Variants in P4HTM observed in about 807,000 individuals in gnomAD.
P4HTM encodes the protein prolyl 4-hydroxylase, transmembrane.
P4HTM carries 33 observed loss-of-function variants against 55.3 expected under a neutral mutation model. That is an observed-to-expected ratio of 0.60 (90% CI 0.45 to 0.80). P4HTM has a LOEUF of 0.80. Among genes scored for constraint, P4HTM ranks in the 30% least tolerant of loss-of-function variants. The probability of loss-of-function intolerance (pLI) is 0.00; values close to 1 mark genes in which losing one functional copy is unlikely to be tolerated. For synonymous variants in P4HTM, 272 were observed against 286.4 expected (o/e 0.95, Z 0.51); for missense variants, 542 against 696.5 (o/e 0.78, Z 2.50).
At chr3:48,998,112 C>G (rs989684631) in intron 2 of P4HTM, 1 of 152,290 alleles carries the variant, frequency 6.6e-6, no homozygotes, top group Admixed American at 6.5e-5. Flanking sequence ...TTACCTGATC[C>G]CTGTATGATT....
intron 7 of P4HTM, 86 bp downstream of exon 7, chr3:49,005,953 G>C: frequency 6.5e-7 from 1 of 1,539,994 alleles, no homozygotes; most frequent in Non-Finnish European, 8.8e-7. Context: ...TAAGGATGTG[G>C]GCCCAAATTA....
rs976045915 is a variant in P4HTM, at chr3:49,003,829, C to G, written c.725-269C>G. 1.9e-5 allele frequency: 8 copies of G among 416,286 alleles called. No homozygotes were observed. The Admixed American group carries it at 2.5e-4, about 13-fold the overall frequency. 25.8% of individuals were successfully genotyped at this position (416,286 alleles called of 1,614,324 possible). On this transcript the variant is annotated intron_variant, in intron 4 of 8. Coordinates refer to ENST00000383729, the MANE Select transcript of P4HTM (RefSeq NM_177939.3). ...CTTTGGAGAACCTTCTCTGGCCACT[C>G]TAATAGGGGGTGGGCCTCTTTCTTC...
intron 2 of P4HTM, 149 bp downstream of exon 2, chr3:48,991,063 G>T (rs750448448): frequency 1.4e-5 from 9 of 626,818 alleles, no homozygotes; most frequent in African/African-American, 3.7e-5. Flanking sequence ...GACCTTCCCC[G>T]TCCTCGAAAT....
intron 5 of P4HTM, chr3:49,004,543 G>C (rs1343922658): frequency 1.8e-6 from 1 of 551,186 alleles, no homozygotes; most frequent in Non-Finnish European, 3.2e-6. Flanking sequence ...ATCTGACCCC[G>C]TCACAGCAGG....
At chr3:49,004,786 G>T in intron 5 of P4HTM, 75 bp from the exon 6 acceptor site, 1 of 1,488,014 alleles carries the variant, frequency 6.7e-7, no homozygotes, top group Non-Finnish European at 9.1e-7. Context: ...GGCAGGCCTA[G>T]GGTCCACCTT....
rs965111482 is a variant in P4HTM at position 49,002,233 on chromosome 3, C to A, written c.628-267C>A. On this transcript the variant is annotated intron_variant, in intron 3 of 8. Transcript: ENST00000383729. This position sits in a 1 kb window ranked among gnomAD's most constrained non-coding sequence, Gnocchi z 4.4. Reference sequence around the variant, plus strand: ...CACAGGCCTGTCCTTCACTCTGCTTCCAACCAACAGTGCTCTCCATGAAGG... The same window carrying A: ...CACAGGCCTGTCCTTCACTCTGCTTACAACCAACAGTGCTCTCCATGAAGG... 6.6e-6 allele frequency among the ~76,000 whole-genome samples: 1 copy of A among 152,276 alleles called. No homozygotes were observed. The highest frequency in any genetic ancestry group is 1.5e-5 in the Non-Finnish European group (1 of 68,050).
At position 49,005,018 on chromosome 3, in the gene P4HTM, G is replaced by C; in HGVS notation, c.1045G>C (p.Glu349Gln). The C allele has an allele frequency of 6.2e-7, 1 of 1,614,068 alleles. No individual in the cohort carries two copies. Among genetic ancestry groups the C allele is most frequent in the Non-Finnish European group, 8.5e-7 (1 of 1,180,040 alleles). ...CTCCCATACCAAGCTGGTAGCCAAC[G>C]AGTCTGTACCCTTCGAGACCTCCTG... is the stretch of plus-strand genomic sequence containing the variant. ...ICSHTKLVAN[E>Q]SVPFETSCRY... The change falls in exon 6 of 9, where the codon GAG becomes CAG. Residue 349 changes from glutamate (E) to glutamine (Q), a missense_variant. Physicochemically the swap from Glu to Gln is conservative, Grantham distance 29. Coordinates refer to ENST00000383729, the MANE Select transcript of P4HTM (RefSeq NM_177939.3).
intron 7 of P4HTM, 75 bp from the exon 8 acceptor site, chr3:49,005,988 TC>T (rs1228820628): frequency 6.4e-7 from 1 of 1,564,000 alleles, no homozygotes; most frequent in African/African-American, 1.4e-5. Context: ...CTGGTTGGTT[TC>T]CCTTTGGTCA....
chr3:48,993,126 G>A (rs1489680084), intron 2 of P4HTM, among the ~76,000 whole-genome samples: 1 of 152,006 alleles, frequency 6.6e-6, no homozygotes, highest in Non-Finnish European at 1.5e-5. Flanking sequence ...CCAACATGGG[G>A]GAACCCCGTC....
intron 5 of P4HTM, 87 bp from the exon 6 acceptor site, chr3:49,004,773 TG>T (rs2092971439): frequency 1.4e-6 from 2 of 1,394,816 alleles, no homozygotes; most frequent in Admixed American, 1.9e-5. Flanking sequence ...GGGCAAAGCT[TG>T]TGGCAGGCCT....
chr3:48,992,855 C>T (rs372995622), intron 2 of P4HTM, among the ~76,000 whole-genome samples: 4 of 151,152 alleles, frequency 2.6e-5, no homozygotes, highest in Admixed American at 1.3e-4. Flanking sequence ...TTAGTAGAGA[C>T]GGGCTTTCAC....
chr3:49,006,208 CT>C lies in P4HTM; in HGVS notation c.1288+22del, dbSNP rs1469443696. Reference sequence around the variant, plus strand: ...GCAAGGTGAGGGCCTATGGCCAGGCCTGGGGGGGGTGCCCTGAGTACAGCTT... The same window carrying C: ...GCAAGGTGAGGGCCTATGGCCAGGCCGGGGGGGGTGCCCTGAGTACAGCTT... On this transcript the variant is annotated intron_variant, in intron 8 of 8. Transcript: ENST00000383729. 1.9e-6 allele frequency: 3 copies of C among 1,602,262 alleles called. No individual in the cohort carries two copies. The East Asian group carries it at 6.7e-5, about 36-fold the overall frequency.
chr3:48,993,246 G>T (rs1479263723), intron 2 of P4HTM, among the ~76,000 whole-genome samples: 1 of 150,256 alleles, frequency 6.7e-6, no homozygotes, highest in Admixed American at 6.6e-5. Context: ...GGGTTGTGGT[G>T]AGCCAAGATT....
Position 49,006,955 on chromosome 3 carries a change from G to A in P4HTM, c.*48G>A. 2.0e-6 allele frequency: 3 copies of A among 1,466,130 alleles called. No individual in the cohort carries two copies. Among genetic ancestry groups the A allele is most frequent in the Non-Finnish European group, 1.9e-6 (2 of 1,066,712 alleles). 90.8% of individuals were successfully genotyped at this position (1,466,130 alleles called of 1,614,324 possible). On this transcript the variant is annotated 3_prime_UTR_variant, in exon 9 of 9. Transcript: ENST00000383729. Reference sequence around the variant, plus strand: ...CAGCCGCGGGTCGCCAGTTGCCCAAGATCAGGGGTCCGGCTGTCCTTCTGT... The same window carrying A: ...CAGCCGCGGGTCGCCAGTTGCCCAAAATCAGGGGTCCGGCTGTCCTTCTGT...
chr3:48,996,664 C>G (rs1381363113), intron 2 of P4HTM, among the ~76,000 whole-genome samples: 1 of 152,112 alleles, frequency 6.6e-6, no homozygotes, highest in African/African-American at 2.4e-5. Context: ...CTGGCTAGTT[C>G]GAGTTTTTAA....
rs1021905958 is a variant in P4HTM at position 48,999,445 on chromosome 3, T to G, written c.437-1993T>G. ...ATGGCTTGGGGAATGGGCATGCACC[T>G]CATGCAGCCCCAGGGAGCCCCTGAC... is the stretch of plus-strand genomic sequence containing the variant. On this transcript the variant is annotated intron_variant, in intron 2 of 8. Transcript: ENST00000383729. This position sits in a 1 kb window ranked among gnomAD's most constrained non-coding sequence, Gnocchi z 4.8. 1.2e-5 allele frequency: 2 copies of G among 167,174 alleles called. No homozygotes were observed. Among genetic ancestry groups the G allele is most frequent in the Non-Finnish European group, 2.9e-5 (2 of 68,312 alleles). 10.4% of individuals were successfully genotyped at this position (167,174 alleles called of 1,614,324 possible). A position where few individuals can be genotyped will look rare whatever the true frequency, so the allele number is the denominator to read the frequency against.
chr3:49,005,106 A>G, intron 6 of P4HTM, 60 bp downstream of exon 6: 1 of 1,613,486 alleles, frequency 6.2e-7, no homozygotes, highest in Non-Finnish European at 8.5e-7. Flanking sequence ...CCCATGACAC[A>G]GGCACAGCCC....
chr3:49,005,273 C>T (rs2092973787), intron 6 of P4HTM: 3 of 1,459,698 alleles, frequency 2.1e-6, no homozygotes, highest in Non-Finnish European at 2.7e-6. Context: ...GACTGATGTA[C>T]CCACAGACAC....
upstream of P4HTM, chr3:48,990,238 C>A (rs2092926418): frequency 3.4e-6 from 4 of 1,182,082 alleles, no homozygotes; most frequent in East Asian, 3.7e-5. The surrounding 1 kb of genome is among the most constrained non-coding windows in gnomAD (Gnocchi z 7.2). Flanking sequence ...CCCCTGGGCG[C>A]GCGCGCGACC....
Sources: gnomAD v4.1 joint callset for allele counts (sites outside exome capture counted in the v4.1 genomes callset) on GRCh38, gnomAD v4.1.1 for gene constraint, Gnocchi (gnomAD v3.1) non-coding constraint, MANE v1.5 for transcripts, NCBI Gene and HGNC (gene_info 2026-07-23, HGNC 2026-07-21) for gene names.